The following FGF12 variants were observed in gnomAD, a reference collection of about 807,000 sequenced individuals.
FGF12 encodes the protein fibroblast growth factor 12.
Under a neutral mutation model 23.6 loss-of-function variants are expected in FGF12, and 14 were observed. The ratio of observed to expected loss-of-function variants is 0.59; its 90% CI spans 0.39 to 0.93. FGF12 has a LOEUF of 0.93. Among genes scored for constraint, FGF12 ranks in the 40% least tolerant of loss-of-function variants. FGF12 has a pLI of 0.00. For synonymous variants in FGF12, 62 were observed against 77.3 expected (o/e 0.80, Z 1.04); for missense variants, 175 against 217.8 (o/e 0.80, Z 1.24).
At chr3:192,168,771 CAT>C (rs1048555483) in intron 5 of FGF12, among the ~76,000 whole-genome samples, 1 of 152,046 alleles carries the variant, frequency 6.6e-6, no homozygotes, top group African/African-American at 2.4e-5. Flanking sequence ...AAAAATAAAA[CAT>C]GTTCTGTTCA....
At chr3:192,570,045 A>C (rs1712522048) in intron 2 of FGF12, among the ~76,000 whole-genome samples, 2 of 152,248 alleles carry the variant, frequency 1.3e-5, no homozygotes, top group Non-Finnish European at 2.9e-5. Flanking sequence ...AAGGCAAGTA[A>C]GAACCAGAAT....
In FGF12 at chr3:192,561,416, G is replaced by T. The variant is rs143302888; in HGVS notation, c.13+165765C>A. ...CTCGCTCTTTCACCCAGGCTGGAGT[G>T]CAGTGGTGCAATCTCAGCCCACTGT... is the stretch of plus-strand genomic sequence containing the variant. On this transcript the variant is annotated intron_variant, in intron 2 of 5. Transcript: ENST00000445105. 7.0e-3 allele frequency among the ~76,000 whole-genome samples: 1,059 copies of T among 152,022 alleles called. 10 individuals carry two copies. Among genetic ancestry groups the T allele is most frequent in the African/African-American group, 0.024 (1,004 of 41,472 alleles).
chr3:192,304,548 C>T (rs1715518684), intron 4 of FGF12, among the ~76,000 whole-genome samples: 1 of 152,140 alleles, frequency 6.6e-6, no homozygotes, highest in African/African-American at 2.4e-5. Context: ...AAAGGACCTA[C>T]AGTAGTCAGT....
At chr3:192,454,169 G>A (rs1046341731) in intron 2 of FGF12, among the ~76,000 whole-genome samples, 1 of 152,058 alleles carries the variant, frequency 6.6e-6, no homozygotes, top group Admixed American at 6.6e-5. Flanking sequence ...CTCCTGAGTA[G>A]CTGGGACTAT....
intron 4 of FGF12, among the ~76,000 whole-genome samples, chr3:192,313,081 G>A (rs77197253): frequency 0.013 from 2,038 of 152,096 alleles, 46 homozygotes; most frequent in African/African-American, 0.047. Flanking sequence ...AAATTCTGTC[G>A]AAATTAGTTT....
chr3:192,723,269 G>A (rs1412340712), intron 2 of FGF12, among the ~76,000 whole-genome samples: 4 of 152,024 alleles, frequency 2.6e-5, no homozygotes, highest in Non-Finnish European at 2.9e-5. Flanking sequence ...GTTAGATCAC[G>A]CAGTTTCTTT....
chr3:192,606,218 C>A (rs1196350197), intron 2 of FGF12, among the ~76,000 whole-genome samples: 2 of 152,154 alleles, frequency 1.3e-5, no homozygotes, highest in Non-Finnish European at 2.9e-5. Context: ...ATGTCCTTTG[C>A]AGCAACATGG....
chr3:192,661,551 G>C (rs747024943), intron 2 of FGF12, among the ~76,000 whole-genome samples: 7 of 152,122 alleles, frequency 4.6e-5, no homozygotes, highest in Non-Finnish European at 1.0e-4. Context: ...TTGATGTAAA[G>C]AGGAAATTCT....
In FGF12 at chr3:192,430,470, A is replaced by G. The variant is rs117230211; in HGVS notation, c.14-69932T>C. 1.4e-3 allele frequency among the ~76,000 whole-genome samples: 219 copies of G among 152,310 alleles called. 5 individuals are homozygous for G. The East Asian group carries it at 0.038, about 26-fold the overall frequency. On this transcript the variant is annotated intron_variant, in intron 2 of 5. Coordinates refer to ENST00000445105, the MANE Select transcript of FGF12 (RefSeq NM_004113.6). ...GGTGTACTTAATATTACTAAACTGT[A>G]CACTTAAAAATAGTAAAGATGGTAA... is the stretch of plus-strand genomic sequence containing the variant.
chr3:192,430,828 C>T (rs1030998497), intron 2 of FGF12, among the ~76,000 whole-genome samples: 1 of 152,120 alleles, frequency 6.6e-6, no homozygotes, highest in African/African-American at 2.4e-5. Flanking sequence ...CCTGTTGATA[C>T]GGAATACAAC....
At chr3:192,432,865 T>C (rs915603788) in intron 2 of FGF12, among the ~76,000 whole-genome samples, 1 of 152,040 alleles carries the variant, frequency 6.6e-6, no homozygotes, top group African/African-American at 2.4e-5. Context: ...GAGCATGTGT[T>C]GTTTTGAGTA....
At chr3:192,452,188 T>C (rs1722544348) in intron 2 of FGF12, among the ~76,000 whole-genome samples, 1 of 152,228 alleles carries the variant, frequency 6.6e-6, no homozygotes, top group Non-Finnish European at 1.5e-5. Flanking sequence ...ATTTCTCAGT[T>C]GCTAGGAGAT....
At chr3:192,384,517 C>T (rs1719960554) in intron 2 of FGF12, among the ~76,000 whole-genome samples, 1 of 152,210 alleles carries the variant, frequency 6.6e-6, no homozygotes, top group African/African-American at 2.4e-5. Context: ...AAGGATAGAA[C>T]AGATGTTAAT....
chr3:192,618,382 G>T (rs916551447), intron 2 of FGF12, among the ~76,000 whole-genome samples: 2 of 151,966 alleles, frequency 1.3e-5, no homozygotes, highest in Admixed American at 6.6e-5. Context: ...AGTCCATCAA[G>T]TTCTGGCAGA....
At chr3:192,470,809 G>A (rs1723151165) in intron 2 of FGF12, among the ~76,000 whole-genome samples, 6 of 152,004 alleles carry the variant, frequency 3.9e-5, no homozygotes, top group South Asian at 2.1e-4. Context: ...TTCATTTTAC[G>A]CCAGTCACTG....
chr3:192,703,532 C>A (rs568910621), intron 2 of FGF12, among the ~76,000 whole-genome samples: 28 of 152,192 alleles, frequency 1.8e-4, no homozygotes, highest in Non-Finnish European at 3.1e-4. Context: ...AAGTTTGTCA[C>A]ATCGATTGAC....
chr3:192,366,811 G>A (rs1719006487), intron 2 of FGF12, among the ~76,000 whole-genome samples: 1 of 152,188 alleles, frequency 6.6e-6, no homozygotes, highest in Admixed American at 6.5e-5. Context: ...GGGAGGATTT[G>A]GAGAGCTGTC....
At chr3:192,177,633 T>A (rs1392427132) in intron 4 of FGF12, among the ~76,000 whole-genome samples, 1 of 152,228 alleles carries the variant, frequency 6.6e-6, no homozygotes, top group African/African-American at 2.4e-5. Flanking sequence ...CATGGGTGAA[T>A]GTACAGTCAA....
rs73064543 is a variant in FGF12, at chr3:192,254,680, A to T, written c.228+80681T>A. Among the ~76,000 whole-genome samples, 658 of 152,170 alleles carry T rather than the reference A, an allele frequency of 4.3e-3. 6 individuals are homozygous for T. The highest frequency in any genetic ancestry group is 0.015 in the African/African-American group (628 of 41,560). On this transcript the variant is annotated intron_variant, in intron 4 of 5. Transcript: ENST00000445105. ...CAACTAGGCAAAAGCCAAGATTCTC[A>T]GGCTAATGTATAAACATTAAAAGAT...
Sources: gnomAD v4.1 joint callset for allele counts (sites outside exome capture counted in the v4.1 genomes callset) on GRCh38, gnomAD v4.1.1 for gene constraint, MANE v1.5 for transcripts, NCBI Gene and HGNC (gene_info 2026-07-23, HGNC 2026-07-21) for gene names.